The following CORO2B variants were observed in gnomAD, a reference collection of about 807,000 sequenced individuals.
CORO2B encodes coronin 2B.
A neutral mutation model predicts 58.8 loss-of-function variants in CORO2B; 26 were observed. That is an observed-to-expected ratio of 0.44 (90% confidence interval 0.32 to 0.61). CORO2B has a LOEUF of 0.61. CORO2B is among the 20% of genes least tolerant of loss of function. CORO2B has a pLI of 0.04. For synonymous variants in CORO2B, 242 were observed against 253.8 expected (o/e 0.95, Z 0.44); for missense variants, 460 against 645.1 (o/e 0.71, Z 3.11).
the CORO2B span, among the ~76,000 whole-genome samples, chr15:68,533,322 A>G: frequency 0.017 from 2,644 of 152,312 alleles, 103 homozygotes; most frequent in African/African-American, 0.06. Context: ...TATTATAACC[A>G]GAAGTGGAAA....
At chr15:68,541,748 C>T in the CORO2B span, among the ~76,000 whole-genome samples, 14 of 152,186 alleles carry the variant, frequency 9.2e-5, no homozygotes, top group Non-Finnish European at 1.5e-4. Flanking sequence ...CTAACCCTTT[C>T]GGGTGATTCT....
At chr15:68,687,309 A>G (rs761571660) in intron 2 of CORO2B, among the ~76,000 whole-genome samples, 3 of 152,214 alleles carry the variant, frequency 2.0e-5, no homozygotes, top group Non-Finnish European at 4.4e-5. Context: ...CTGATTCTCT[A>G]GGTAAGAAAA....
chr15:68,692,135 C>G (rs939773181), intron 2 of CORO2B, among the ~76,000 whole-genome samples: 1 of 152,182 alleles, frequency 6.6e-6, no homozygotes, highest in Non-Finnish European at 1.5e-5. Context: ...GTGTGGAAAT[C>G]CCGGCTTTGC....
intron 1 of CORO2B, among the ~76,000 whole-genome samples, chr15:68,587,283 G>A (rs1178881178): frequency 2.6e-5 from 4 of 152,096 alleles, no homozygotes; most frequent in African/African-American, 9.7e-5. Flanking sequence ...TGTTTTACAT[G>A]GTGTTCATGC....
At position 68,720,932 on chromosome 15, in the gene CORO2B, C is replaced by A. The variant is rs542504625; in HGVS notation, c.1311+1380C>A. Reference sequence around the variant, plus strand: ...GACAGAGTCTCACTCTGTTGCCCAGCCTGGAGCTCAGTGGCACAATCTCAG... The same window carrying A: ...GACAGAGTCTCACTCTGTTGCCCAGACTGGAGCTCAGTGGCACAATCTCAG... On this transcript the variant is annotated intron_variant, in intron 11 of 11. Transcript: ENST00000261861. Among the ~76,000 whole-genome samples the A allele has an allele frequency of 2.6e-4, 40 of 152,280 alleles. 1 individual carries two copies. In the South Asian group the frequency reaches 6.2e-3, roughly 24 times the overall value.
At chr15:68,644,783 G>A (rs1009188418) in intron 1 of CORO2B, among the ~76,000 whole-genome samples, 1 of 152,098 alleles carries the variant, frequency 6.6e-6, no homozygotes, top group Non-Finnish European at 1.5e-5. Context: ...ATGCTGAACC[G>A]AGCACAGTTC....
intron 2 of CORO2B, among the ~76,000 whole-genome samples, chr15:68,677,261 A>G (rs983420081): frequency 7.9e-5 from 12 of 152,188 alleles, no homozygotes; most frequent in African/African-American, 2.9e-4. Flanking sequence ...TGCAGGGTGC[A>G]CTGCTGGTCA....
intron 2 of CORO2B, among the ~76,000 whole-genome samples, chr15:68,663,112 G>A (rs1566999985): frequency 6.6e-6 from 1 of 152,108 alleles, no homozygotes; most frequent in Non-Finnish European, 1.5e-5. Context: ...GTTGTTCAGA[G>A]GTCAATCTTT....
Position 68,645,374 on chromosome 15 carries a change from A to G in CORO2B, c.216+14A>G. The G allele has an allele frequency of 6.2e-7, 1 of 1,606,846 alleles. No homozygotes were observed. The highest frequency in any genetic ancestry group is 8.5e-7 in the Non-Finnish European group (1 of 1,179,160). ...CCCCTGGAGCAGGTAGGTGGCCCCTACCTTCACTCCAGCTGCAGCTCCAGG... is the reference window on the plus strand; with the variant it reads ...CCCCTGGAGCAGGTAGGTGGCCCCTGCCTTCACTCCAGCTGCAGCTCCAGG... On this transcript the variant is annotated intron_variant, in intron 2 of 11. Transcript: ENST00000261861. This position sits in a 1 kb window ranked among gnomAD's most constrained non-coding sequence, Gnocchi z 4.5.
chr15:68,571,205 T>C, the CORO2B span, among the ~76,000 whole-genome samples: 1 of 152,222 alleles, frequency 6.6e-6, no homozygotes, highest in East Asian at 1.9e-4. Flanking sequence ...TTTCCCATCC[T>C]GCCCCAGCCA....
At chr15:68,629,663 C>A (rs1282312279) in intron 1 of CORO2B, among the ~76,000 whole-genome samples, 1 of 152,192 alleles carries the variant, frequency 6.6e-6, no homozygotes, top group Non-Finnish European at 1.5e-5. Flanking sequence ...ATGAAATGGT[C>A]AGGGGACCAG....
At chr15:68,578,041 T>TATCTGCGGAAACCGGTTCTGC (rs1451905286), upstream of CORO2B, among the ~76,000 whole-genome samples, 1 of 152,164 alleles carries the variant, frequency 6.6e-6, no homozygotes, top group Non-Finnish European at 1.5e-5. The surrounding 1 kb of genome is among the most constrained non-coding windows in gnomAD (Gnocchi z 4.2). Flanking sequence ...CGCGGTTCTG[T>TATCTGCGGAAACCGGTTCTGC]ATCTGCGGAA....
chr15:68,713,850 G>A (rs975322437), intron 5 of CORO2B, 75 bp from the exon 6 acceptor site: 27 of 971,726 alleles, frequency 2.8e-5, no homozygotes, highest in Middle Eastern at 2.1e-4. Context: ...GTATCTTTTC[G>A]GGACCACCAT....
chr15:68,711,613 C>T lies in CORO2B; in HGVS notation c.555C>T (p.Cys185=). The T allele has an allele frequency of 6.2e-7, 1 of 1,614,130 alleles. No individual in the cohort carries two copies. The change falls in exon 5 of 12, where the codon TGC becomes TGT. Residue 185 remains cysteine (C), a synonymous_variant. Coordinates refer to ENST00000261861, the MANE Select transcript of CORO2B (RefSeq NM_006091.5). ...ACTGCCACACGGATGTGATCCTCTG[C>T]ATGTCCTTCAACACGGACGGCAGCC... ...MIDCHTDVIL[C]MSFNTDGSLL...
At chr15:68,599,576 G>A (rs1171659628) in intron 1 of CORO2B, among the ~76,000 whole-genome samples, 2 of 152,180 alleles carry the variant, frequency 1.3e-5, no homozygotes, top group African/African-American at 2.4e-5. Context: ...GATATAGGGA[G>A]CTTATTCTTC....
chr15:68,519,043 CA>C, the CORO2B span, among the ~76,000 whole-genome samples: 1 of 152,166 alleles, frequency 6.6e-6, no homozygotes. Flanking sequence ...AGGACTGCCT[CA>C]CACTCAGGAG....
Position 68,715,276 on chromosome 15 carries a change from T to C in CORO2B, c.932T>C (p.Met311Thr), listed in dbSNP as rs754182653. 45 of 1,613,836 alleles carry C rather than the reference T, an allele frequency of 2.8e-5. No individual in the cohort carries two copies. Among genetic ancestry groups the C allele is most frequent in the Non-Finnish European group, 3.5e-5 (41 of 1,179,984 alleles). ...STEKPYLSYLMEFRSPAPQKG... is the reference protein window; with the variant it reads ...STEKPYLSYLTEFRSPAPQKG... ...GAGAAGCCCTACCTGAGTTACCTCA[T>C]GGAGTTCCGCTCCCCAGCCCCGCAG... Residue 311 changes from methionine to threonine, a missense_variant, in exon 8 of 12, where the codon ATG (methionine) becomes ACG (threonine). Coordinates refer to ENST00000261861, the MANE Select transcript of CORO2B (RefSeq NM_006091.5).
Position 68,662,030 on chromosome 15 carries a change from T to A in CORO2B, c.216+16670T>A, listed in dbSNP as rs116961088. Among the ~76,000 whole-genome samples the A allele has an allele frequency of 9.6e-3, 1,409 of 147,118 alleles. 17 individuals carry two copies. The highest frequency in any genetic ancestry group is 0.031 in the African/African-American group (1,216 of 39,300). On this transcript the variant is annotated intron_variant, in intron 2 of 11. Coordinates refer to ENST00000261861, the MANE Select transcript of CORO2B (RefSeq NM_006091.5). ...TCAATAAATAAATAAATAAATAAAT[T>A]AATTAATTAATAAAAATCTGTTTAG...
intron 1 of CORO2B, chr15:68,616,749 G>T (rs1011029976): frequency 2.5e-5 from 9 of 362,206 alleles, no homozygotes; most frequent in Non-Finnish European, 3.5e-5. Flanking sequence ...GGTGCACGTG[G>T]TCTCATGGGG....
Sources: gnomAD v4.1 joint callset for allele counts (sites outside exome capture counted in the v4.1 genomes callset) on GRCh38, gnomAD v4.1.1 for gene constraint, Gnocchi (gnomAD v3.1) non-coding constraint, MANE v1.5 for transcripts, NCBI Gene and HGNC (gene_info 2026-07-23, HGNC 2026-07-21) for gene names.